The following HSPG2 variants were observed in gnomAD, a reference collection of about 807,000 sequenced individuals.
The protein encoded by HSPG2 is heparan sulfate proteoglycan 2.
A neutral mutation model predicts 526.6 loss-of-function variants in HSPG2; 278 were observed. The observed-to-expected ratio is 0.53, with a 90% confidence interval of 0.48 to 0.58. The LOEUF (loss-of-function observed/expected upper bound fraction) is 0.58. HSPG2 is among the 20% of genes least tolerant of loss of function. HSPG2 has a pLI of 0.00. For synonymous variants in HSPG2, 2,465 were observed against 2,555.4 expected, an observed-to-expected ratio of 0.96 and a Z score of 1.07; for missense variants, 5,354 against 6,099.5, an observed-to-expected ratio of 0.88 and a Z score of 4.07.
intron 1 of HSPG2, among the ~76,000 whole-genome samples, chr1:21,916,382 G>A (rs1643889269): frequency 1.3e-5 from 2 of 152,116 alleles, no homozygotes; most frequent in Non-Finnish European, 2.9e-5. Context: ...GCGTGCACCT[G>A]TAGTGCCAGA....
intron 9 of HSPG2, among the ~76,000 whole-genome samples, chr1:21,886,247 G>A (rs1010779168): frequency 1.3e-5 from 2 of 152,246 alleles, no homozygotes; most frequent in African/African-American, 4.8e-5. Flanking sequence ...AGAGGCCCCT[G>A]AGAAGGGCCT....
rs781526229 is a variant in HSPG2, at chr1:21,843,399, C to A, written c.8656G>T (p.Ala2886Ser). 6.2e-7 allele frequency: 1 copy of A among 1,613,724 alleles called. No homozygotes were observed. Among genetic ancestry groups the A allele is most frequent in the South Asian group, 1.1e-5 (1 of 90,982 alleles). Residue 2886 changes from alanine to serine, a missense_variant, in exon 66 of 97, where the codon GCT becomes TCT. Ala to Ser is a moderately conservative substitution (Grantham distance 99). Coordinates refer to ENST00000374695, the MANE Select transcript of HSPG2 (RefSeq NM_005529.7). ...TGGCACGAGTACTCGCCAGAGTCAG[C>A]CGGGGACACCTGGTTCAGCCTCAGC... ...PLLRLNQVSP[A>S]DSGEYSCQVT...
chr1:21,862,031 C>A lies in HSPG2; in HGVS notation c.4825G>T (p.Asp1609Tyr). 1 of 1,614,198 alleles carries A rather than the reference C, an allele frequency of 6.2e-7. No homozygotes were observed. The highest frequency in any genetic ancestry group is 8.5e-7 in the Non-Finnish European group (1 of 1,180,034). ...YGDATAGTPEDCQPCACPLTN... is the reference protein window; with the variant it reads ...YGDATAGTPEYCQPCACPLTN... ...AGTGGGCAGGCACAGGGCTGGCAGT[C>A]CTCAGGCGTCCCGGCTGTGGCATCT... is the stretch of plus-strand genomic sequence containing the variant. The change falls in exon 38 of 97, where the codon GAC (aspartate) becomes TAC (tyrosine). Residue 1609 changes from aspartate (D) to tyrosine (Y), a missense_variant. Asp to Tyr is a radical substitution (Grantham distance 160). Transcript: ENST00000374695.
chr1:21,869,858 G>A (rs1640514124), intron 33 of HSPG2, among the ~76,000 whole-genome samples: 1 of 152,244 alleles, frequency 6.6e-6, no homozygotes, highest in Non-Finnish European at 1.5e-5. Context: ...GGATATCCCG[G>A]GATGGGTTTG....
chr1:21,856,487 G>A (rs899186082), intron 44 of HSPG2, among the ~76,000 whole-genome samples: 3 of 151,836 alleles, frequency 2.0e-5, no homozygotes, highest in Middle Eastern at 6.3e-3. Flanking sequence ...GCGCGATCTC[G>A]GCTCACTGCA....
At chr1:21,900,695 G>T (rs11589829) in intron 1 of HSPG2, among the ~76,000 whole-genome samples, 42,998 of 151,902 alleles carry the variant, frequency 0.28, 6,677 homozygotes, top group East Asian at 0.39. Flanking sequence ...GACCAGCCTG[G>T]CCTACAGGGT....
At chr1:21,849,800 C>T (rs1638742462) in intron 57 of HSPG2, among the ~76,000 whole-genome samples, 2 of 152,178 alleles carry the variant, frequency 1.3e-5, no homozygotes, top group Non-Finnish European at 2.9e-5. Context: ...CTGCCTCAGC[C>T]TCCCGAGTAG....
Position 21,857,163 on chromosome 1 carries a change from C to T in HSPG2, c.5427G>A (p.Leu1809=). The change falls in exon 44 of 97, where the codon CTG becomes CTA. Residue 1809 remains leucine (L), a synonymous_variant. Coordinates refer to ENST00000374695, the MANE Select transcript of HSPG2 (RefSeq NM_005529.7). The part of the protein sequence containing the change: ...SPAYTLVWTR[L]HNGKLPTRAM... ...CTCGGGTGGGCAGTTTCCCGTTGTG[C>T]AGGCGGGTCCACACCAGGGTATAGG... 6.2e-7 allele frequency: 1 copy of T among 1,614,096 alleles called. No individual in the cohort carries two copies. The highest frequency in any genetic ancestry group is 8.5e-7 in the Non-Finnish European group (1 of 1,180,022).
chr1:21,931,211 G>A (rs941185079), intron 1 of HSPG2, among the ~76,000 whole-genome samples: 1 of 152,208 alleles, frequency 6.6e-6, no homozygotes, highest in Non-Finnish European at 1.5e-5. Context: ...CAGCAGCCAC[G>A]AGCCACACCC....
intron 1 of HSPG2, among the ~76,000 whole-genome samples, chr1:21,920,030 C>T (rs1643992458): frequency 6.6e-6 from 1 of 152,190 alleles, no homozygotes; most frequent in Non-Finnish European, 1.5e-5. Flanking sequence ...CTTCAGCCTC[C>T]CAGGTAGCTG....
chr1:21,849,133 G>A, intron 57 of HSPG2, 102 bp from the exon 58 acceptor site: 6 of 1,351,730 alleles, frequency 4.4e-6, no homozygotes, highest in Non-Finnish European at 6.2e-6. Flanking sequence ...CCAGCCAGCT[G>A]GAACTCGATG....
intron 25 of HSPG2, chr1:21,875,309 T>C: frequency 1.7e-6 from 1 of 593,704 alleles, no homozygotes; most frequent in Non-Finnish European, 3.0e-6. Context: ...CTCCGGCGAA[T>C]GACTCTCCAG....
Position 21,884,867 on chromosome 1 carries a change from C to T in HSPG2, c.1407G>A (p.Val469=). 6.2e-7 allele frequency: 1 copy of T among 1,614,018 alleles called. No homozygotes were observed. The highest frequency in any genetic ancestry group is 1.1e-5 in the South Asian group (1 of 91,090). Residue 469 remains valine, a synonymous_variant, in exon 12 of 97, where the codon GTG becomes GTA. Coordinates refer to ENST00000374695, the MANE Select transcript of HSPG2 (RefSeq NM_005529.7). ...GGRGTLIIRD[V]KESDQGAYTC... ...TGTAGGCACCCTGGTCTGACTCCTT[C>T]ACATCACGGATGATCAGTGTGCCAC...
chr1:21,860,267 G>T (rs755896134), intron 39 of HSPG2, 32 bp from the exon 40 acceptor site: 2 of 1,595,790 alleles, frequency 1.3e-6, no homozygotes, highest in Non-Finnish European at 1.7e-6. Context: ...GGCAATGTCA[G>T]GCCTCAAGGG....
chr1:21,835,787 C>A, intron 75 of HSPG2, 150 bp from the exon 76 acceptor site: 1 of 630,104 alleles, frequency 1.6e-6, no homozygotes, highest in Non-Finnish European at 2.9e-6. Context: ...AGCTTGAGAC[C>A]AGCCTGGCCA....
chr1:21,831,322 A>G lies in HSPG2; in HGVS notation c.11455T>C (p.Cys3819Arg). The change falls in exon 84 of 97, where the codon TGT (cysteine) becomes CGT (arginine). Residue 3819 changes from cysteine to arginine, a missense_variant and splice_region_variant. Transcript: ENST00000374695. Reference protein sequence around the residue: ...KAGLSSGFIGCVRELRIQGEE... With the variant: ...KAGLSSGFIGRVRELRIQGEE... ...CCCTGGATGCGCAGCTCCCGGACAC[A>G]GCCTGGGAGGTGAGTGGGCAGGATG... 1.9e-6 allele frequency: 3 copies of G among 1,613,576 alleles called. No homozygotes were observed. The highest frequency in any genetic ancestry group is 1.1e-5 in the South Asian group (1 of 91,074).
At chr1:21,915,232 C>T (rs1192982639) in intron 1 of HSPG2, among the ~76,000 whole-genome samples, 56 of 152,282 alleles carry the variant, frequency 3.7e-4, no homozygotes, top group Non-Finnish European at 2.9e-5. Context: ...ATCTCTACAC[C>T]GCTAAGGGGC....
At chr1:21,929,065 T>G (rs1557839876) in intron 1 of HSPG2, among the ~76,000 whole-genome samples, 3 of 152,190 alleles carry the variant, frequency 2.0e-5, no homozygotes. Context: ...CCAGCCTCAC[T>G]TGAAGTTTTA....
chr1:21,924,296 G>A (rs539621766), intron 1 of HSPG2, among the ~76,000 whole-genome samples: 2 of 152,324 alleles, frequency 1.3e-5, no homozygotes, highest in African/African-American at 4.8e-5. Flanking sequence ...CCTACTCTCC[G>A]GATGCCTTGG....
Sources: gnomAD v4.1 joint callset for allele counts (sites outside exome capture counted in the v4.1 genomes callset) on GRCh38, gnomAD v4.1.1 for gene constraint, MANE v1.5 for transcripts, NCBI Gene and HGNC (gene_info 2026-07-23, HGNC 2026-07-21) for gene names.